The following KCNMB2 variants were observed in gnomAD, a reference collection of about 807,000 sequenced individuals.
KCNMB2 encodes potassium calcium-activated channel subfamily M regulatory beta subunit 2.
In KCNMB2, 9 loss-of-function variants were observed where a neutral mutation model predicts 24.5. The ratio of observed to expected loss-of-function variants is 0.37; its 90% confidence interval spans 0.22 to 0.64. KCNMB2 has a LOEUF of 0.64. Among genes scored for constraint, KCNMB2 ranks in the 30% least tolerant of loss-of-function variants. The pLI, the probability that KCNMB2 is intolerant of heterozygous loss-of-function variation, is 0.63. For synonymous variants in KCNMB2, 109 were observed against 104.4 expected (o/e 1.04, Z -0.27); for missense variants, 226 against 284.3 (o/e 0.79, Z 1.47).
Position 178,706,657 on chromosome 3 carries a change from TTGA to T in KCNMB2, c.-67-100681_-67-100679del, listed in dbSNP as rs371019254. Among the ~76,000 whole-genome samples the T allele has an allele frequency of 2.4e-3, 361 of 152,196 alleles. 2 individuals carry two copies. Among genetic ancestry groups the T allele is most frequent in the African/African-American group, 7.6e-3 (317 of 41,538 alleles). On this transcript the variant is annotated intron_variant, in intron 1 of 4. Transcript: ENST00000452583. ...CTCTGCCAGGCCCCAACTTTATCAC[TTGA>T]TGATTAAGAACAGCTCTCTCTGCAC...
chr3:178,792,299 GTTGTTTTTGT>G (rs1165825153), intron 1 of KCNMB2, among the ~76,000 whole-genome samples: 23 of 151,844 alleles, frequency 1.5e-4, no homozygotes, highest in Admixed American at 1.1e-3. Flanking sequence ...TTGTCTGCTT[GTTGTTTTTGT>G]TTGTTTTTGA....
rs112241577 is a variant in KCNMB2 at position 178,701,072 on chromosome 3, A to G, written c.-67-106271A>G. 1.7e-3 allele frequency among the ~76,000 whole-genome samples: 261 copies of G among 152,224 alleles called. 1 individual carries two copies. The highest frequency in any genetic ancestry group is 6.0e-3 in the African/African-American group (249 of 41,524). Reference sequence around the variant, plus strand: ...ATGGTATTGCCTAGGTTTTCTTCTAAGGTTTTTATGGTTTTAGGTCTAACA... The same window carrying G: ...ATGGTATTGCCTAGGTTTTCTTCTAGGGTTTTTATGGTTTTAGGTCTAACA... On this transcript the variant is annotated intron_variant, in intron 1 of 4. Coordinates refer to ENST00000452583, the MANE Select transcript of KCNMB2 (RefSeq NM_181361.3).
At chr3:178,788,261 T>G (rs1041750547) in intron 1 of KCNMB2, among the ~76,000 whole-genome samples, 3 of 152,206 alleles carry the variant, frequency 2.0e-5, no homozygotes, top group Admixed American at 1.3e-4. Flanking sequence ...TAAGCTGGTT[T>G]TAAATGTGTA....
At chr3:178,629,748 A>T (rs1291219568) in intron 1 of KCNMB2, among the ~76,000 whole-genome samples, 1 of 152,218 alleles carries the variant, frequency 6.6e-6, no homozygotes, top group Non-Finnish European at 1.5e-5. Context: ...ATAAAATGTC[A>T]AGAAGGAGAA....
chr3:178,605,271 C>T (rs1281956129), intron 1 of KCNMB2, among the ~76,000 whole-genome samples: 1 of 152,094 alleles, frequency 6.6e-6, no homozygotes. Flanking sequence ...AGAAGATGAC[C>T]AGACACTAAA....
intron 1 of KCNMB2, among the ~76,000 whole-genome samples, chr3:178,756,909 T>A (rs76922854): frequency 6.6e-6 from 1 of 151,914 alleles, no homozygotes; most frequent in Non-Finnish European, 1.5e-5. Flanking sequence ...TTAAAAACAC[T>A]GGACAGCACT....
At chr3:178,568,578 T>G (rs898261532) in intron 1 of KCNMB2, among the ~76,000 whole-genome samples, 3 of 152,114 alleles carry the variant, frequency 2.0e-5, no homozygotes, top group Non-Finnish European at 4.4e-5. Context: ...TCAATCAGCT[T>G]AATAGTCACA....
intron 1 of KCNMB2, among the ~76,000 whole-genome samples, chr3:178,731,509 C>T (rs1024004143): frequency 2.6e-5 from 4 of 152,210 alleles, no homozygotes; most frequent in Non-Finnish European, 4.4e-5. Context: ...AAATGAGCAT[C>T]AGCGGCAATG....
intron 1 of KCNMB2, chr3:178,801,952 C>A (rs1450560404): frequency 6.6e-6 from 1 of 152,124 alleles, no homozygotes; most frequent in East Asian, 1.9e-4. Flanking sequence ...GTAAGAGGCA[C>A]TTAATAAATG....
chr3:178,652,820 G>C (rs142609035), intron 1 of KCNMB2, among the ~76,000 whole-genome samples: 11 of 148,806 alleles, frequency 7.4e-5, no homozygotes, highest in African/African-American at 2.7e-4. Context: ...GTGCCACCAC[G>C]CCTGGCCATT....
intron 1 of KCNMB2, among the ~76,000 whole-genome samples, chr3:178,603,928 A>T (rs2108510168): frequency 6.6e-6 from 1 of 152,304 alleles, no homozygotes; most frequent in Non-Finnish European, 1.5e-5. Context: ...TCAGTGACAC[A>T]GTTCAAAGCC....
At chr3:178,810,169 G>C (rs544431966) in intron 2 of KCNMB2, among the ~76,000 whole-genome samples, 1 of 151,884 alleles carries the variant, frequency 6.6e-6, no homozygotes, top group South Asian at 2.1e-4. Context: ...AGATGATGAT[G>C]GCTGATAATT....
At chr3:178,645,513 A>G (rs1288109011) in intron 1 of KCNMB2, among the ~76,000 whole-genome samples, 1 of 152,188 alleles carries the variant, frequency 6.6e-6, no homozygotes, top group Non-Finnish European at 1.5e-5. Context: ...AAGGCAGTCA[A>G]TGAAGGGGAA....
At chr3:178,539,838 T>G (rs1340728597) in intron 1 of KCNMB2, among the ~76,000 whole-genome samples, 1 of 152,118 alleles carries the variant, frequency 6.6e-6, no homozygotes, top group African/African-American at 2.4e-5. Flanking sequence ...TCCTTATTAT[T>G]TCCTAAACCT....
intron 1 of KCNMB2, among the ~76,000 whole-genome samples, chr3:178,581,535 A>G (rs1416994272): frequency 6.6e-6 from 1 of 152,226 alleles, no homozygotes; most frequent in Non-Finnish European, 1.5e-5. Context: ...ATTAAACTAA[A>G]GAGCTTCTGC....
At chr3:178,649,558 A>C (rs1355926807) in intron 1 of KCNMB2, among the ~76,000 whole-genome samples, 5 of 151,380 alleles carry the variant, frequency 3.3e-5, no homozygotes, top group African/African-American at 1.2e-4. Flanking sequence ...ATTTGTTATT[A>C]GTCTATTCAG....
chr3:178,628,767 T>C (rs1187052802), intron 1 of KCNMB2, among the ~76,000 whole-genome samples: 8 of 152,172 alleles, frequency 5.3e-5, no homozygotes, highest in Non-Finnish European at 8.8e-5. Flanking sequence ...TTCTTAAAAA[T>C]GGTAGAGATG....
At chr3:178,581,099 C>T (rs959120877) in intron 1 of KCNMB2, among the ~76,000 whole-genome samples, 12 of 152,178 alleles carry the variant, frequency 7.9e-5, no homozygotes, top group Non-Finnish European at 1.8e-4. Flanking sequence ...AGGCATCACA[C>T]TATCTGACTT....
intron 1 of KCNMB2, among the ~76,000 whole-genome samples, chr3:178,767,072 G>T (rs994663156): frequency 1.3e-5 from 2 of 152,152 alleles, no homozygotes; most frequent in Non-Finnish European, 2.9e-5. Flanking sequence ...GCCAGAGAGG[G>T]TACTAAATAT....
Sources: allele counts gnomAD v4.1 joint callset (sites outside exome capture counted in the v4.1 genomes callset), GRCh38; gene constraint gnomAD v4.1.1; transcripts MANE v1.5; gene names NCBI Gene and HGNC (gene_info 2026-07-23, HGNC 2026-07-21).